The following IFT81 variants were observed in gnomAD, a reference collection of about 807,000 sequenced individuals.
IFT81 encodes the protein intraflagellar transport protein 81 homolog.
IFT81 carries 72 observed loss-of-function variants against 102.6 expected under a neutral mutation model. The observed-to-expected ratio is 0.70, with a 90% CI of 0.58 to 0.85. IFT81 has a LOEUF of 0.85. Among genes scored for constraint, IFT81 ranks in the 40% least tolerant of loss-of-function variants. The probability of loss-of-function intolerance (pLI) is 0.00; values close to 1 mark genes in which losing one functional copy is unlikely to be tolerated. For synonymous variants in IFT81, 237 were observed against 242.7 expected (o/e 0.98, Z 0.22); for missense variants, 723 against 787.3 (o/e 0.92, Z 0.98).
At chr12:110,135,102 A>C in intron 6 of IFT81, 89 bp downstream of exon 6, 1 of 1,000,686 alleles carries the variant, frequency 1.0e-6, no homozygotes, top group Non-Finnish European at 1.5e-6. Flanking sequence ...TCAGCCAAGC[A>C]TGAGTGTACA....
At position 110,205,605 on chromosome 12, in the gene IFT81, T is replaced by C; in HGVS notation, c.1727T>C (p.Val576Ala). Residue 576 changes from valine (V) to alanine (A), a missense_variant, in exon 17 of 19, where the codon GTT becomes GCT. By Grantham distance (64) the Val-to-Ala change is moderately conservative (BLOSUM62 0). Transcript: ENST00000242591. The part of the protein sequence containing the change: ...YTNCMIKNLE[V>A]QLRRATDEMK... Reference sequence around the variant, plus strand: ...AGTCTTTCTATTTAGAACCTAGAAGTTCAACTTCGTCGTGCTACTGATGAG... The same window carrying C: ...AGTCTTTCTATTTAGAACCTAGAAGCTCAACTTCGTCGTGCTACTGATGAG... 1 of 1,600,374 alleles carries C rather than the reference T, an allele frequency of 6.2e-7. No homozygotes were observed. Among genetic ancestry groups the C allele is most frequent in the Non-Finnish European group, 8.5e-7 (1 of 1,176,242 alleles).
At chr12:110,164,398 G>A (rs894474417) in intron 11 of IFT81, among the ~76,000 whole-genome samples, 1 of 152,050 alleles carries the variant, frequency 6.6e-6, no homozygotes, top group Non-Finnish European at 1.5e-5. Context: ...GCAAAATAAA[G>A]CAATAGGTCA....
chr12:110,164,368 C>T (rs10492229), intron 11 of IFT81, among the ~76,000 whole-genome samples: 29,534 of 151,928 alleles, frequency 0.19, 3,184 homozygotes, highest in Admixed American at 0.29. Context: ...AGTCAAATAT[C>T]TTAGTTTAGT....
At position 110,154,544 on chromosome 12, in the gene IFT81, T is replaced by G. The variant is rs560148901; in HGVS notation, c.1041+7496T>G. 2.1e-3 allele frequency among the ~76,000 whole-genome samples: 321 copies of G among 150,004 alleles called. 1 individual carries two copies. The highest frequency in any genetic ancestry group is 3.6e-3 in the Non-Finnish European group (245 of 67,682). On this transcript the variant is annotated intron_variant, in intron 10 of 18. Transcript: ENST00000242591. ...TACTCGGGAGGCTGAGATGGAAAAA[T>G]TGAACCCGGGAGGTAGAGGTTGCAG...
At chr12:110,124,986 T>A (rs577040206) in intron 1 of IFT81, 125 bp downstream of exon 1, 1 of 152,356 alleles carries the variant, frequency 6.6e-6, no homozygotes, top group African/African-American at 2.4e-5. Flanking sequence ...ATCTTTGTCC[T>A]TATCGAGTGA....
chr12:110,144,725 G>T (rs1371373159), intron 9 of IFT81, among the ~76,000 whole-genome samples: 2 of 148,934 alleles, frequency 1.3e-5, no homozygotes, highest in Non-Finnish European at 3.0e-5. Flanking sequence ...GTCCAGGCTG[G>T]TCTTGAACTC....
At chr12:110,194,316 G>A (rs971700969) in intron 14 of IFT81, among the ~76,000 whole-genome samples, 1 of 152,002 alleles carries the variant, frequency 6.6e-6, no homozygotes, top group African/African-American at 2.4e-5. Context: ...AATTAGAATA[G>A]CATTTTGAAA....
chr12:110,171,494 G>A (rs1350345280), intron 11 of IFT81, among the ~76,000 whole-genome samples: 2 of 152,078 alleles, frequency 1.3e-5, no homozygotes, highest in African/African-American at 2.4e-5. Context: ...TTAAAAGACT[G>A]AGCAGTTAAC....
intron 11 of IFT81, among the ~76,000 whole-genome samples, chr12:110,166,338 T>A (rs912456279): frequency 1.3e-5 from 2 of 152,162 alleles, no homozygotes; most frequent in Admixed American, 1.3e-4. Flanking sequence ...GAATAAATAA[T>A]TTACACAAAT....
chr12:110,211,175 CTTTTT>C (rs796140785), intron 18 of IFT81, among the ~76,000 whole-genome samples: 1 of 102,200 alleles, frequency 9.8e-6, no homozygotes. Context: ...ATTAGGCTTT[CTTTTT>C]TTTTTTTTTT....
chr12:110,163,027 C>G lies in IFT81; in HGVS notation c.1150C>G (p.Arg384Gly). 7 of 1,613,838 alleles carry G rather than the reference C, an allele frequency of 4.3e-6. No homozygotes were observed. Among genetic ancestry groups the G allele is most frequent in the South Asian group, 1.1e-5 (1 of 91,064 alleles). The change falls in exon 11 of 19, where the codon CGT (arginine) becomes GGT (glycine). Residue 384 changes from arginine to glycine, a missense_variant. By Grantham distance (125) the Arg-to-Gly change is moderately radical. Coordinates refer to ENST00000242591, the MANE Select transcript of IFT81 (RefSeq NM_014055.4). ...AGCATCAGTAAAGAGAAATCAGACC[C>G]GTGAATTTGATGGTACTGAAGTTTT... is the stretch of plus-strand genomic sequence containing the variant. ...REASVKRNQT[R>G]EFDGTEVLKG...
intron 10 of IFT81, 35 bp from the exon 11 acceptor site, chr12:110,162,884 A>G: frequency 2.0e-6 from 3 of 1,522,572 alleles, no homozygotes; most frequent in East Asian, 2.3e-5. Context: ...TTGATTGTAT[A>G]TCTTATTATA....
chr12:110,134,358 T>C (rs912239202), intron 5 of IFT81, among the ~76,000 whole-genome samples: 35 of 152,336 alleles, frequency 2.3e-4, no homozygotes, highest in Middle Eastern at 3.4e-3. Context: ...ATTAGTTTTT[T>C]AGATTTAGGA....
chr12:110,162,916 C>G lies in IFT81; in HGVS notation c.1042-3C>G, dbSNP rs1896216126. On this transcript the variant is annotated splice_polypyrimidine_tract_variant and splice_region_variant and intron_variant, in intron 10 of 18. Coordinates refer to ENST00000242591, the MANE Select transcript of IFT81 (RefSeq NM_014055.4). ...TATACCTTCATATTTAATGCTCAAT[C>G]AGGCATCTATCATTTCCCGTAAAAA... The G allele has an allele frequency of 6.2e-7, 1 of 1,605,372 alleles. No homozygotes were observed. The highest frequency in any genetic ancestry group is 1.7e-5 in the Admixed American group (1 of 58,174).
chr12:110,216,196 GTT>G (rs986236076), intron 18 of IFT81, among the ~76,000 whole-genome samples: 10 of 151,466 alleles, frequency 6.6e-5, no homozygotes, highest in Non-Finnish European at 1.5e-4. Flanking sequence ...GTTTTGTTTT[GTT>G]TTGTTTTTAA....
intron 14 of IFT81, among the ~76,000 whole-genome samples, chr12:110,195,935 G>C (rs944627981): frequency 1.3e-5 from 2 of 152,076 alleles, no homozygotes; most frequent in Non-Finnish European, 2.9e-5. Flanking sequence ...GAGATCTGAG[G>C]CCAACTTAAT....
At chr12:110,140,933 G>C (rs911057250) in intron 8 of IFT81, among the ~76,000 whole-genome samples, 2 of 151,124 alleles carry the variant, frequency 1.3e-5, no homozygotes, top group African/African-American at 4.9e-5. Flanking sequence ...CTCCATGTTG[G>C]TCAAGCTGGT....
intron 11 of IFT81, among the ~76,000 whole-genome samples, chr12:110,178,470 T>C (rs1051319774): frequency 1.3e-5 from 2 of 151,682 alleles, no homozygotes; most frequent in African/African-American, 4.8e-5. Context: ...AGAGCTTGTG[T>C]TGAGATAGTG....
chr12:110,154,701 C>T (rs929045012), intron 10 of IFT81, among the ~76,000 whole-genome samples: 3 of 151,428 alleles, frequency 2.0e-5, no homozygotes, highest in Admixed American at 6.6e-5. Context: ...GTGAATTTAC[C>T]AGTTTTATTT....
Sources: gnomAD v4.1 joint callset for allele counts (sites outside exome capture counted in the v4.1 genomes callset) on GRCh38, gnomAD v4.1.1 for gene constraint, MANE v1.5 for transcripts, NCBI Gene and HGNC (gene_info 2026-07-23, HGNC 2026-07-21) for gene names.